GMDS: variants seen among roughly 807,000 people sequenced by gnomAD.
The protein encoded by GMDS is GDP-mannose 4,6 dehydratase.
Under a neutral mutation model 49.9 loss-of-function variants are expected in GMDS, and 20 were observed. The ratio of observed to expected loss-of-function variants is 0.40; its 90% CI spans 0.28 to 0.58. GMDS has a LOEUF of 0.58. Ranked by LOEUF, GMDS falls within the 20% of genes least tolerant of loss-of-function variation. GMDS has a pLI of 0.42. For synonymous variants in GMDS, 177 were observed against 178.6 expected (o/e 0.99, Z 0.07); for missense variants, 362 against 481.4 (o/e 0.75, Z 2.32).
At chr6:1,717,069 C>G (rs1041710951) in intron 9 of GMDS, among the ~76,000 whole-genome samples, 3 of 152,214 alleles carry the variant, frequency 2.0e-5, no homozygotes, top group Non-Finnish European at 4.4e-5. Context: ...GTGATTAACT[C>G]AGTATTCCCT....
At chr6:2,038,290 A>T (rs984586812) in intron 4 of GMDS, among the ~76,000 whole-genome samples, 1 of 152,248 alleles carries the variant, frequency 6.6e-6, no homozygotes, top group African/African-American at 2.4e-5. Context: ...GCTAGAGCTA[A>T]GTGAAGTGGT....
chr6:2,204,027 A>G (rs929717165), intron 1 of GMDS, among the ~76,000 whole-genome samples: 2 of 152,220 alleles, frequency 1.3e-5, no homozygotes, highest in African/African-American at 4.8e-5. Context: ...AATTTGGGTG[A>G]CTAACATTCT....
In GMDS at chr6:1,705,074, C is replaced by T. The variant is rs186258585; in HGVS notation, c.987+21342G>A. ...TAGATAATTATTAAATACCACTAAA[C>T]GACAAAGCGATGACTACTGAACATT... On this transcript the variant is annotated intron_variant, in intron 9 of 10. Coordinates refer to ENST00000380815, the MANE Select transcript of GMDS (RefSeq NM_001500.4). Among the ~76,000 whole-genome samples the T allele has an allele frequency of 1.5e-3, 231 of 152,298 alleles. 1 individual carries two copies. The highest frequency in any genetic ancestry group is 5.2e-3 in the African/African-American group (214 of 41,544).
chr6:1,643,781 G>A (rs1001901662), intron 9 of GMDS, among the ~76,000 whole-genome samples: 5 of 152,018 alleles, frequency 3.3e-5, no homozygotes, highest in African/African-American at 4.8e-5. Flanking sequence ...ACTTTAAGTG[G>A]GTGAACTGTA....
At chr6:1,790,139 C>G (rs1265080938) in intron 7 of GMDS, among the ~76,000 whole-genome samples, 1 of 152,188 alleles carries the variant, frequency 6.6e-6, no homozygotes, top group African/African-American at 2.4e-5. Flanking sequence ...TGTCAACAAT[C>G]TTATCAATCC....
chr6:2,021,294 T>C (rs1768265867), intron 4 of GMDS, among the ~76,000 whole-genome samples: 1 of 152,208 alleles, frequency 6.6e-6, no homozygotes. Context: ...ATCATCTTTA[T>C]CTACTGGAAC....
intron 7 of GMDS, among the ~76,000 whole-genome samples, chr6:1,902,624 G>C (rs919927036): frequency 6.6e-5 from 10 of 152,072 alleles, no homozygotes; most frequent in Non-Finnish European, 5.9e-5. Flanking sequence ...TCAACCACAA[G>C]ATAAGGTGAA....
chr6:1,625,444 T>TCC (rs1366317308), intron 9 of GMDS: 3 of 152,138 alleles, frequency 2.0e-5, no homozygotes, highest in Admixed American at 6.5e-5. Context: ...CCCGCCACCG[T>TCC]CCCCTCTGGC....
intron 1 of GMDS, among the ~76,000 whole-genome samples, chr6:2,168,066 C>T (rs1777756728): frequency 1.3e-5 from 2 of 152,296 alleles, no homozygotes; most frequent in South Asian, 2.1e-4. Context: ...AATACCATGG[C>T]TCTTCTTTGT....
At chr6:1,834,360 T>C (rs1158788557) in intron 7 of GMDS, among the ~76,000 whole-genome samples, 1 of 152,228 alleles carries the variant, frequency 6.6e-6, no homozygotes, top group Non-Finnish European at 1.5e-5. Flanking sequence ...TGCATTTCCC[T>C]GAGCAATTGC....
intron 4 of GMDS, among the ~76,000 whole-genome samples, chr6:2,033,683 C>T (rs1769109433): frequency 6.6e-6 from 1 of 152,176 alleles, no homozygotes; most frequent in Admixed American, 6.5e-5. Flanking sequence ...TTTATTGCCC[C>T]TTTTGCCCTG....
chr6:2,089,351 G>A (rs1773188701), intron 4 of GMDS, among the ~76,000 whole-genome samples: 1 of 152,088 alleles, frequency 6.6e-6, no homozygotes, highest in Admixed American at 6.6e-5. Context: ...TCTAACAATA[G>A]ACTATTTGTG....
At chr6:2,239,357 C>T (rs1444945968) in intron 1 of GMDS, among the ~76,000 whole-genome samples, 1 of 151,308 alleles carries the variant, frequency 6.6e-6, no homozygotes, top group African/African-American at 2.4e-5. Flanking sequence ...ATCCAATTGG[C>T]TTTATGTCTA....
At chr6:1,871,017 C>T (rs1212720042) in intron 7 of GMDS, among the ~76,000 whole-genome samples, 1 of 151,780 alleles carries the variant, frequency 6.6e-6, no homozygotes, top group East Asian at 1.9e-4. Flanking sequence ...AATGCCTCTC[C>T]TTTCCAAACT....
At chr6:1,788,306 G>A (rs955362730) in intron 7 of GMDS, among the ~76,000 whole-genome samples, 1 of 152,184 alleles carries the variant, frequency 6.6e-6, no homozygotes, top group Non-Finnish European at 1.5e-5. Flanking sequence ...CGCGTACTGT[G>A]TACTCCAATA....
chr6:2,213,054 A>G (rs950049910), intron 1 of GMDS, among the ~76,000 whole-genome samples: 2 of 152,144 alleles, frequency 1.3e-5, no homozygotes, highest in African/African-American at 4.8e-5. Context: ...CCCCTACTGT[A>G]CATTATTTTT....
intron 7 of GMDS, among the ~76,000 whole-genome samples, chr6:1,757,215 C>T (rs753514480): frequency 1.2e-4 from 19 of 152,162 alleles, no homozygotes; most frequent in Non-Finnish European, 2.5e-4. Context: ...AAATAACTCA[C>T]GACGCATACA....
intron 9 of GMDS, among the ~76,000 whole-genome samples, chr6:1,714,424 T>C (rs1766098425): frequency 6.6e-6 from 1 of 151,976 alleles, no homozygotes; most frequent in African/African-American, 2.4e-5. Flanking sequence ...AGAAAAACAT[T>C]GAAGATTCTA....
chr6:1,671,863 C>T (rs1350884857), intron 9 of GMDS, among the ~76,000 whole-genome samples: 1 of 152,070 alleles, frequency 6.6e-6, no homozygotes, highest in Non-Finnish European at 1.5e-5. Context: ...CAGGGTTTCA[C>T]CATGTTGGCC....
Sources: gnomAD v4.1 joint callset for allele counts (sites outside exome capture counted in the v4.1 genomes callset) on GRCh38, gnomAD v4.1.1 for gene constraint, MANE v1.5 for transcripts, NCBI Gene and HGNC (gene_info 2026-07-23, HGNC 2026-07-21) for gene names.